SBK1: variants seen among roughly 807,000 people sequenced by gnomAD.
SBK1 encodes SH3 domain binding kinase 1.
SBK1 carries 11 observed loss-of-function variants against 24.4 expected under a neutral mutation model. The observed-to-expected ratio is 0.45, with a 90% CI of 0.28 to 0.75. The LOEUF is 0.75. Among genes scored for constraint, SBK1 ranks in the 30% least tolerant of loss-of-function variants. The pLI, the probability that SBK1 is intolerant of heterozygous loss-of-function variation, is 0.12. For synonymous variants in SBK1, 308 were observed against 284.4 expected, an observed-to-expected ratio of 1.08 and a Z score of -0.83; for missense variants, 467 against 620.5, an observed-to-expected ratio of 0.75 and a Z score of 2.63.
intron 1 of SBK1, among the ~76,000 whole-genome samples, chr16:28,274,196 T>G (rs928918831): frequency 1.3e-5 from 2 of 152,202 alleles, no homozygotes; most frequent in Non-Finnish European, 2.9e-5. Context: ...TGAGCCCCGA[T>G]GATGTAACAT....
At chr16:28,278,856 G>C (rs887002329) in intron 1 of SBK1, among the ~76,000 whole-genome samples, 3 of 152,238 alleles carry the variant, frequency 2.0e-5, no homozygotes, top group Admixed American at 6.5e-5. Context: ...CAGGTGTACA[G>C]CGACGTGGTC....
intron 1 of SBK1, among the ~76,000 whole-genome samples, chr16:28,269,910 T>C (rs987510239): frequency 6.6e-5 from 10 of 151,656 alleles, no homozygotes; most frequent in East Asian, 5.8e-4. Context: ...AGGATAAAAA[T>C]AGACTCATGC....
In SBK1 at chr16:28,259,387, G is replaced by T; in HGVS notation, c.142G>T (p.Glu48Ter). 1.0e-6 allele frequency: 1 copy of T among 965,714 alleles called. No individual in the cohort carries two copies. Among genetic ancestry groups the T allele is most frequent in the Non-Finnish European group, 1.2e-6 (1 of 811,884 alleles). 59.8% of individuals were successfully genotyped at this position (965,714 alleles called of 1,614,324 possible). A position where few individuals can be genotyped will look rare whatever the true frequency, so the allele number is the denominator to read the frequency against. The change falls in exon 1 of 4, where the codon GAG (glutamate) becomes TAG (stop). Residue 48 changes from glutamate to a stop codon, truncating the protein, a stop_gained. Transcript: ENST00000671413. LOFTEE classifies it high-confidence loss of function. The surrounding 1 kb of genome is among the most constrained non-coding windows in gnomAD (Gnocchi z 6.0). ...CCCTGGCCACCCCTGCCCTGTCCTG[G>T]AGCTGCCTCCGGCCTGGCCCATGGG...
At chr16:28,270,351 C>T (rs2044457220) in intron 1 of SBK1, among the ~76,000 whole-genome samples, 2 of 151,390 alleles carry the variant, frequency 1.3e-5, no homozygotes, top group Admixed American at 6.6e-5. Context: ...TGAGCCACCA[C>T]GATCTGCCGG....
chr16:28,287,816 AC>A (rs1192441282), upstream of SBK1, among the ~76,000 whole-genome samples: 2 of 152,114 alleles, frequency 1.3e-5, no homozygotes, highest in African/African-American at 2.4e-5. Flanking sequence ...GGTGCGTGCC[AC>A]CATGCCCAGC....
chr16:28,313,068 T>C (rs1382410214), intron 1 of SBK1, among the ~76,000 whole-genome samples: 3 of 152,108 alleles, frequency 2.0e-5, no homozygotes, highest in African/African-American at 7.2e-5. Context: ...AGGCAGAGGT[T>C]GCGGCGAGCC....
At chr16:28,280,338 A>G (rs919748009) in intron 1 of SBK1, among the ~76,000 whole-genome samples, 1 of 144,696 alleles carries the variant, frequency 6.9e-6, no homozygotes, top group Admixed American at 7.1e-5. Flanking sequence ...ACATATGTAT[A>G]TATATATATA....
chr16:28,280,115 CTATATATATATATATATATA>C lies in SBK1; in HGVS notation c.257+20629_257+20648del, dbSNP rs1193408430. Among the ~76,000 whole-genome samples, 48 of 29,464 alleles carry C rather than the reference CTATATATATATATATATATA, an allele frequency of 1.6e-3. 4 individuals are homozygous for C. In the East Asian group the frequency reaches 0.019, roughly 12 times the overall value. The allele number at this position is 29,464 out of a possible 152,430, so 19.3% of individuals were successfully genotyped here. A position where few individuals can be genotyped will look rare whatever the true frequency, so the allele number is the denominator to read the frequency against. ...CCATGCCTCCCTAATTTGAAAAAAACTATATATATATATATATATATATATATATATATATGTGTGTGTGT... is the reference window on the plus strand; with the variant it reads ...CCATGCCTCCCTAATTTGAAAAAAACTATATATATATATATGTGTGTGTGT... On this transcript the variant is annotated intron_variant, in intron 1 of 3. Coordinates refer to the SBK1 transcript ENST00000671413.
intron 1 of SBK1, among the ~76,000 whole-genome samples, chr16:28,276,130 G>A (rs1487277230): frequency 6.6e-6 from 1 of 152,120 alleles, no homozygotes; most frequent in East Asian, 1.9e-4. Context: ...TCATCCATCT[G>A]TTTTCTCAGC....
intron 1 of SBK1, among the ~76,000 whole-genome samples, chr16:28,283,849 G>A (rs571022588): frequency 4.5e-4 from 68 of 151,732 alleles, no homozygotes; most frequent in South Asian, 1.7e-3. Context: ...TCCCCACTCC[G>A]ACCTGCCAGC....
chr16:28,296,189 G>T (rs963516521), intron 1 of SBK1, among the ~76,000 whole-genome samples: 1 of 151,438 alleles, frequency 6.6e-6, no homozygotes, highest in African/African-American at 2.4e-5. Context: ...CCACCTCCCG[G>T]GTTCAAGCAA....
Position 28,319,181 on chromosome 16 carries a change from A to G in SBK1, c.413A>G (p.Asp138Gly). 6.2e-7 allele frequency: 1 copy of G among 1,613,910 alleles called. No homozygotes were observed. ...TACGCACCTGCTGGGGACCTGTTTG[A>G]CATCATCCCTCCCCAGGTACTCGGG... The part of the protein sequence containing the change: ...QEYAPAGDLF[D>G]IIPPQVGLPE... The change falls in exon 3 of 4, where the codon GAC becomes GGC. Residue 138 changes from aspartate (D) to glycine (G), a missense_variant. Asp to Gly is a moderately conservative substitution (Grantham distance 94, BLOSUM62 -1). Coordinates refer to ENST00000341901, the MANE Select transcript of SBK1 (RefSeq NM_001024401.3). The surrounding 1 kb of genome is among the most constrained non-coding windows in gnomAD (Gnocchi z 4.0).
At chr16:28,318,584 G>A (rs561372663) in intron 2 of SBK1, among the ~76,000 whole-genome samples, 3 of 152,354 alleles carry the variant, frequency 2.0e-5, no homozygotes, top group Admixed American at 1.3e-4. Flanking sequence ...ACAGATGCTT[G>A]CCCAGGCACA....
chr16:28,320,372 C>T lies in SBK1; in HGVS notation c.726C>T (p.Leu242=). Residue 242 remains leucine (L), a synonymous_variant, in exon 4 of 4, where the codon CTC becomes CTT. Transcript: ENST00000341901. This position sits in a 1 kb window ranked among gnomAD's most constrained non-coding sequence, Gnocchi z 8.5. ...TGGACGTGTGGGCCTTCGGCGTGCT[C>T]ATCTTCTGCGTGCTCACCGGCAACT... ...TGVDVWAFGV[L]IFCVLTGNFP... is the part of the protein sequence containing the mutation. 1.3e-6 allele frequency: 2 copies of T among 1,592,890 alleles called. No individual in the cohort carries two copies. The highest frequency in any genetic ancestry group is 1.1e-5 in the South Asian group (1 of 90,900).
chr16:28,308,737 T>TGGGG (rs1274294019), intron 1 of SBK1, among the ~76,000 whole-genome samples: 2 of 122,872 alleles, frequency 1.6e-5, no homozygotes, highest in African/African-American at 5.8e-5. Context: ...TGGCGTTCTT[T>TGGGG]GGGGTGTGTG....
At chr16:28,273,073 G>A (rs1335866578) in intron 1 of SBK1, among the ~76,000 whole-genome samples, 4 of 151,762 alleles carry the variant, frequency 2.6e-5, no homozygotes, top group African/African-American at 7.3e-5. Flanking sequence ...ACCATTTTGA[G>A]AATTATTTTT....
Position 28,322,419 on chromosome 16 carries a change from G to C in SBK1, c.*1498G>C, listed in dbSNP as rs2141594820. 1 of 152,838 alleles carries C rather than the reference G, an allele frequency of 6.5e-6. No individual in the cohort carries two copies. Among genetic ancestry groups the C allele is most frequent in the Admixed American group, 6.5e-5 (1 of 15,308 alleles). The allele number at this position is 152,838 out of a possible 1,614,324, so 9.5% of individuals were successfully genotyped here. A position where few individuals can be genotyped will look rare whatever the true frequency, so the allele number is the denominator to read the frequency against. ...CACATGGGTGAGGCTGTCCCTGTCAGGGTCCCCTGCCAGGGTCCCTCCTGG... is the reference window on the plus strand; with the variant it reads ...CACATGGGTGAGGCTGTCCCTGTCACGGTCCCCTGCCAGGGTCCCTCCTGG... On this transcript the variant is annotated 3_prime_UTR_variant, in exon 4 of 4. Coordinates refer to ENST00000341901, the MANE Select transcript of SBK1 (RefSeq NM_001024401.3).
In SBK1 at chr16:28,320,495, C is replaced by T; in HGVS notation, c.849C>T (p.Arg283=). The change falls in exon 4 of 4, where the codon CGC becomes CGT. Residue 283 remains arginine, a synonymous_variant. Coordinates refer to ENST00000341901, the MANE Select transcript of SBK1 (RefSeq NM_001024401.3). The surrounding 1 kb of genome is among the most constrained non-coding windows in gnomAD (Gnocchi z 8.5). ...RLPGLPSQWR[R]FTEPALRMFQ... is the part of the protein sequence containing the mutation. ...CGGGGCTGCCTTCGCAGTGGCGCCG[C>T]TTCACCGAGCCCGCGCTGCGCATGT... 3.2e-6 allele frequency: 5 copies of T among 1,572,208 alleles called. No individual in the cohort carries two copies. The highest frequency in any genetic ancestry group is 4.3e-6 in the Non-Finnish European group (5 of 1,165,728).
chr16:28,299,736 C>A (rs1428954007), intron 1 of SBK1, among the ~76,000 whole-genome samples: 2 of 152,338 alleles, frequency 1.3e-5, no homozygotes, highest in African/African-American at 4.8e-5. Context: ...CTTTTCACTT[C>A]TCCAGGCCAG....
Sources: gnomAD v4.1 joint callset for allele counts (sites outside exome capture counted in the v4.1 genomes callset) on GRCh38, gnomAD v4.1.1 for gene constraint, Gnocchi (gnomAD v3.1) non-coding constraint, MANE v1.5 for transcripts, NCBI Gene and HGNC (gene_info 2026-07-23, HGNC 2026-07-21) for gene names.